Variants in KIF9 observed in about 807,000 individuals in gnomAD.
The protein encoded by KIF9 is kinesin-like protein KIF9.
In KIF9, 68 loss-of-function variants were observed where a neutral mutation model predicts 94.8. The observed-to-expected ratio is 0.72, with a 90% CI of 0.59 to 0.88. The LOEUF (loss-of-function observed/expected upper bound fraction) is 0.88. KIF9 is among the 40% of genes least tolerant of loss of function. The pLI is 0.00. For synonymous variants in KIF9, 343 were observed against 362.1 expected (o/e 0.95, Z 0.60); for missense variants, 882 against 982.5 (o/e 0.90, Z 1.37).
intron 20 of KIF9, among the ~76,000 whole-genome samples, chr3:47,229,795 G>A (rs1269747306): frequency 2.0e-5 from 3 of 151,648 alleles, no homozygotes; most frequent in South Asian, 4.2e-4. Context: ...GTACAGTGGC[G>A]CAATCTCGGC....
chr3:47,255,884 C>A (rs1576012297), intron 10 of KIF9, among the ~76,000 whole-genome samples: 1 of 152,186 alleles, frequency 6.6e-6, no homozygotes, highest in Non-Finnish European at 1.5e-5. Flanking sequence ...CTCAGCCTGC[C>A]GAGTGCCTGT....
At chr3:47,260,376 C>T (rs1000106868) in intron 9 of KIF9, among the ~76,000 whole-genome samples, 2 of 151,926 alleles carry the variant, frequency 1.3e-5, no homozygotes, top group Non-Finnish European at 2.9e-5. Flanking sequence ...ATATGCTGAA[C>T]GCTGGTTCCC....
intron 16 of KIF9, among the ~76,000 whole-genome samples, chr3:47,241,797 A>G (rs1469775823): frequency 1.2e-5 from 1 of 81,772 alleles, no homozygotes; most frequent in Non-Finnish European, 2.6e-5. Context: ...ACGTGTATAT[A>G]TGTATATATG....
At chr3:47,279,505 TAACTTTTAAG>T (rs1340662029) in intron 1 of KIF9, among the ~76,000 whole-genome samples, 1 of 151,750 alleles carries the variant, frequency 6.6e-6, no homozygotes, top group African/African-American at 2.4e-5. Context: ...AAAATCTAAG[TAACTTTTAAG>T]ATGTTAACCA....
At position 47,266,981 on chromosome 3, in the gene KIF9, A is replaced by T. The variant is rs764608087; in HGVS notation, c.763T>A (p.Ser255Thr). The T allele has an allele frequency of 6.2e-7, 1 of 1,613,038 alleles. No homozygotes were observed. Among genetic ancestry groups the T allele is most frequent in the Non-Finnish European group, 8.5e-7 (1 of 1,179,462 alleles). ...DLAGSERLGK[S>T]GSEGQVLKEA... ...CTCCAGCCCCCATCACTTACCCCAG[A>T]CTTCCCCAGCCTCTCTGAGCCTGCC... The change falls in exon 7 of 21, where the codon TCT (serine) becomes ACT (threonine). Residue 255 changes from serine to threonine, a missense_variant. By Grantham distance (58) the Ser-to-Thr change is moderately conservative. Transcript: ENST00000684063.
chr3:47,267,081 C>T lies in KIF9; in HGVS notation c.676-13G>A, dbSNP rs762206038. On this transcript the variant is annotated splice_polypyrimidine_tract_variant and intron_variant, in intron 6 of 20. Transcript: ENST00000684063. The stretch of plus-strand genomic sequence containing the variant: ...TCCGGGAATGGGCCTACAAAACATC[C>T]AAGCAGAAGTTAGACTGTCACAGGG... 3 of 1,611,836 alleles carry T rather than the reference C, an allele frequency of 1.9e-6. No homozygotes were observed. Among genetic ancestry groups the T allele is most frequent in the Admixed American group, 1.7e-5 (1 of 59,946 alleles).
At chr3:47,270,258 CTT>C (rs1245982298) in intron 5 of KIF9, among the ~76,000 whole-genome samples, 2 of 142,822 alleles carry the variant, frequency 1.4e-5, no homozygotes, top group African/African-American at 2.6e-5. Flanking sequence ...TTTTTCTTTT[CTT>C]TTTTTTTTTT....
chr3:47,282,277 G>A, intron 1 of KIF9: 1 of 985,620 alleles, frequency 1.0e-6, no homozygotes, highest in Non-Finnish European at 1.2e-6. Flanking sequence ...GGACCCCTTT[G>A]TGGGACCAAT....
rs1444388707 is a variant in KIF9 at position 47,245,481 on chromosome 3, C to A, written c.1320G>T (p.Leu440Phe). 1 of 1,613,832 alleles carries A rather than the reference C, an allele frequency of 6.2e-7. No homozygotes were observed. Among genetic ancestry groups the A allele is most frequent in the Non-Finnish European group, 8.5e-7 (1 of 1,180,000 alleles). ...TGTCAATGAGGGTGTACTTCCTGCGCAAAGTGGACTCCACTTCCTGTTCCT... is the reference window on the plus strand; with the variant it reads ...TGTCAATGAGGGTGTACTTCCTGCGAAAAGTGGACTCCACTTCCTGTTCCT... Reference protein sequence around the residue: ...SQQEQEVESTLRRKYTLIDRN... With the variant: ...SQQEQEVESTFRRKYTLIDRN... Residue 440 changes from leucine to phenylalanine, a missense_variant, in exon 14 of 21, where the codon TTG becomes TTT. Physicochemically the swap from Leu to Phe is conservative, Grantham distance 22 (BLOSUM62 0). Coordinates refer to ENST00000684063, the MANE Select transcript of KIF9 (RefSeq NM_182902.4).
chr3:47,281,952 G>T (rs1421998100), intron 1 of KIF9, among the ~76,000 whole-genome samples: 2 of 152,210 alleles, frequency 1.3e-5, no homozygotes, highest in African/African-American at 2.4e-5. Flanking sequence ...TACCCGTAGC[G>T]GCAGCACCAA....
intron 9 of KIF9, among the ~76,000 whole-genome samples, chr3:47,262,282 T>TC (rs1701027882): frequency 6.6e-6 from 1 of 151,482 alleles, no homozygotes; most frequent in African/African-American, 2.4e-5. Context: ...TTGTTTTTTT[T>TC]TTTTCTTTTC....
chr3:47,232,094 G>C (rs1698631788), intron 20 of KIF9, among the ~76,000 whole-genome samples: 1 of 152,154 alleles, frequency 6.6e-6, no homozygotes, highest in Non-Finnish European at 1.5e-5. Flanking sequence ...CCTCAGGGAT[G>C]GGATTAGTGC....
rs571437682 is a variant in KIF9 at position 47,275,544 on chromosome 3, A to T, written c.94-54T>A. Reference sequence around the variant, plus strand: ...ATGTTATTTGTTCAAAAATGGGTATAAAAAAAATCACTGATAGCTGAGGCC... The same window carrying T: ...ATGTTATTTGTTCAAAAATGGGTATTAAAAAAATCACTGATAGCTGAGGCC... On this transcript the variant is annotated intron_variant, in intron 2 of 20. Coordinates refer to ENST00000684063, the MANE Select transcript of KIF9 (RefSeq NM_182902.4). 1.4e-4 allele frequency: 196 copies of T among 1,387,966 alleles called. No individual in the cohort carries two copies. In the East Asian group the frequency reaches 3.4e-3, roughly 24 times the overall value. The allele number at this position is 1,387,966 out of a possible 1,614,324, so 86.0% of individuals were successfully genotyped here. A position where few individuals can be genotyped will look rare whatever the true frequency, so the allele number is the denominator to read the frequency against.
At chr3:47,273,793 A>T (rs1701795345) in intron 3 of KIF9, 135 bp from the exon 4 acceptor site, 1 of 754,660 alleles carries the variant, frequency 1.3e-6, no homozygotes, top group Non-Finnish European at 2.3e-6. Flanking sequence ...GAACATCAGG[A>T]ATTCCACCAT....
chr3:47,240,133 C>T (rs1699355266), intron 17 of KIF9: 2 of 348,280 alleles, frequency 5.7e-6, no homozygotes, highest in African/African-American at 2.1e-5. Context: ...GGGCCTTGGC[C>T]CTCAGTGCAG....
intron 7 of KIF9, chr3:47,266,102 T>TCATG (rs2107444332): frequency 2.1e-6 from 1 of 474,294 alleles, no homozygotes; most frequent in African/African-American, 1.9e-5. Flanking sequence ...ATGTGAATAC[T>TCATG]CATGCGAATG....
chr3:47,273,516 C>A, intron 4 of KIF9, 36 bp downstream of exon 4: 1 of 1,495,780 alleles, frequency 6.7e-7, no homozygotes, highest in Non-Finnish European at 9.1e-7. Context: ...AGAGAGGGAA[C>A]CTGTGTGGCA....
chr3:47,263,926 A>G (rs1018993007), intron 9 of KIF9: 4 of 465,786 alleles, frequency 8.6e-6, no homozygotes, highest in African/African-American at 7.9e-5. Context: ...ATGTTTAAAC[A>G]TGTGTGATTA....
At chr3:47,241,854 A>ATG (rs1480664225) in intron 16 of KIF9, among the ~76,000 whole-genome samples, 18 of 116,896 alleles carry the variant, frequency 1.5e-4, no homozygotes, top group African/African-American at 3.4e-4. Context: ...ATATATATAT[A>ATG]TATATATACA....
Sources: allele counts gnomAD v4.1 joint callset (sites outside exome capture counted in the v4.1 genomes callset), GRCh38; gene constraint gnomAD v4.1.1; transcripts MANE v1.5; gene names NCBI Gene and HGNC (gene_info 2026-07-23, HGNC 2026-07-21).